SLC38A9: variants seen among roughly 807,000 people sequenced by gnomAD.
The protein encoded by SLC38A9 is solute carrier family 38 member 9, also known as neutral amino acid transporter 9.
Under a neutral mutation model 62.3 loss-of-function variants are expected in SLC38A9, and 48 were observed. That is an observed-to-expected ratio of 0.77 (90% CI 0.61 to 0.98). The LOEUF (loss-of-function observed/expected upper bound fraction) is 0.98. SLC38A9 is among the 50% of genes least tolerant of loss of function. The pLI, the probability that SLC38A9 is intolerant of heterozygous loss-of-function variation, is 0.00. For missense variants in SLC38A9, 541 were observed against 679.8 expected (o/e 0.80, Z 2.27); for synonymous variants, 204 against 227.7 (o/e 0.90, Z 0.94).
At chr5:55,706,097 T>A (rs11956516) in intron 2 of SLC38A9, among the ~76,000 whole-genome samples, 96,150 of 151,958 alleles carry the variant, frequency 0.63, 30,869 homozygotes, top group South Asian at 0.73. Flanking sequence ...ACCATGAATC[T>A]GTTTTTCTTG....
rs1464152301 is a variant in SLC38A9, at chr5:55,670,159, G to A, written c.247-280C>T. Among the ~76,000 whole-genome samples the A allele has an allele frequency of 5.3e-5, 8 of 149,628 alleles. No individual in the cohort carries two copies. The Admixed American group carries it at 5.4e-4, about 10-fold the overall frequency. On this transcript the variant is annotated intron_variant, in intron 4 of 15. Transcript: ENST00000396865. ...TTTTGTATTTTTTTGTAGAGACGGG[G>A]TTTCACCATGTTAGCCAGGATGGTC... is the stretch of plus-strand genomic sequence containing the variant.
chr5:55,708,202 T>G (rs1580458969), intron 2 of SLC38A9, among the ~76,000 whole-genome samples: 1 of 152,138 alleles, frequency 6.6e-6, no homozygotes, highest in East Asian at 1.9e-4. Context: ...TGGTGGCTCA[T>G]GCCTGTAATC....
intron 8 of SLC38A9, among the ~76,000 whole-genome samples, chr5:55,659,118 T>C (rs1748993857): frequency 6.6e-6 from 1 of 152,148 alleles, no homozygotes; most frequent in Non-Finnish European, 1.5e-5. Flanking sequence ...GGCGGGAATG[T>C]CTTTAAATTA....
intron 8 of SLC38A9, among the ~76,000 whole-genome samples, chr5:55,660,015 C>T (rs185670594): frequency 0.015 from 2,329 of 151,836 alleles, 103 homozygotes; most frequent in Admixed American, 0.089. Flanking sequence ...ATCTGCCCGC[C>T]TTGGCCTCCC....
intron 3 of SLC38A9, 88 bp downstream of exon 3, chr5:55,697,758 T>A (rs1756111398): frequency 1.0e-5 from 6 of 595,812 alleles, no homozygotes; most frequent in Non-Finnish European, 1.7e-5. Flanking sequence ...TATTTTATAA[T>A]CAAATCTATA....
intron 3 of SLC38A9, chr5:55,675,219 T>C (rs1236748109): frequency 2.0e-5 from 3 of 152,246 alleles, no homozygotes; most frequent in Non-Finnish European, 4.4e-5. Context: ...TCTTGGCTCC[T>C]GGTTTCTTAC....
intron 14 of SLC38A9, among the ~76,000 whole-genome samples, chr5:55,631,336 C>A (rs1216123864): frequency 1.3e-5 from 2 of 151,834 alleles, no homozygotes; most frequent in African/African-American, 4.8e-5. Context: ...ACAATGTGTT[C>A]TTGGTGGTAG....
chr5:55,661,742 A>G (rs1749617812), intron 8 of SLC38A9, among the ~76,000 whole-genome samples: 1 of 152,222 alleles, frequency 6.6e-6, no homozygotes, highest in Non-Finnish European at 1.5e-5. Flanking sequence ...GCTACCATAT[A>G]AAAAGAGAAG....
intron 3 of SLC38A9, among the ~76,000 whole-genome samples, chr5:55,684,174 A>C (rs1336040008): frequency 6.6e-6 from 1 of 152,186 alleles, no homozygotes; most frequent in African/African-American, 2.4e-5. Context: ...GAACATGTTA[A>C]AGACAGTTCT....
rs377173018 is a variant in SLC38A9 at position 55,664,775 on chromosome 5, G to A, written c.615C>T (p.Ser205=). 3.8e-6 allele frequency: 6 copies of A among 1,598,158 alleles called. No homozygotes were observed. The highest frequency in any genetic ancestry group is 5.1e-6 in the Non-Finnish European group (6 of 1,173,868). The part of the protein sequence containing the change: ...SFGQWSSLLF[S]LVSLIGAMIV... ...TCATTGCTCCAATGAGAGACACCAA[G>A]GAGAAAAGGAGACTCGACCACTGCC... The change falls in exon 8 of 16, where the codon TCC becomes TCT. Residue 205 remains serine, a synonymous_variant. Transcript: ENST00000396865.
intron 3 of SLC38A9, chr5:55,672,914 CT>C (rs3042057): frequency 0.62 from 250,014 of 402,152 alleles, 79,593 homozygotes; most frequent in South Asian, 0.69. Context: ...TTTAAGCACA[CT>C]TTTTTTGTAA....
At chr5:55,682,191 T>A (rs1580333348) in intron 3 of SLC38A9, among the ~76,000 whole-genome samples, 1 of 152,234 alleles carries the variant, frequency 6.6e-6, no homozygotes, top group African/African-American at 2.4e-5. Flanking sequence ...TAACCAGATG[T>A]CCCTAGGTGT....
chr5:55,683,830 T>C (rs1381411551), intron 3 of SLC38A9, among the ~76,000 whole-genome samples: 1 of 152,234 alleles, frequency 6.6e-6, no homozygotes, highest in South Asian at 2.1e-4. Context: ...GGAGCTCTTA[T>C]AAATCAATTC....
intron 10 of SLC38A9, among the ~76,000 whole-genome samples, chr5:55,651,997 A>G (rs1432321596): frequency 1.3e-5 from 2 of 150,144 alleles, no homozygotes; most frequent in Non-Finnish European, 3.0e-5. Context: ...AAAACCAAAA[A>G]TGGTCATCTA....
rs949118384 is a variant in SLC38A9, at chr5:55,642,344, C to G, written c.1167+3445G>C. ...ACAGGCGTGAGCCACCGTGCCCAGC[C>G]TGAGACTGTTTTCTAGTAATACAAA... On this transcript the variant is annotated intron_variant, in intron 12 of 15. Transcript: ENST00000396865. Among the ~76,000 whole-genome samples, 9 of 152,214 alleles carry G rather than the reference C, an allele frequency of 5.9e-5. No individual in the cohort carries two copies. In the East Asian group the frequency reaches 1.5e-3, roughly 26 times the overall value.
At chr5:55,660,540 T>C (rs1297550159) in intron 8 of SLC38A9, among the ~76,000 whole-genome samples, 2 of 152,234 alleles carry the variant, frequency 1.3e-5, no homozygotes, top group Non-Finnish European at 2.9e-5. Context: ...AGGAGGTGTA[T>C]AGATGTATGT....
At chr5:55,690,342 A>G (rs1261396214) in intron 3 of SLC38A9, among the ~76,000 whole-genome samples, 1 of 152,008 alleles carries the variant, frequency 6.6e-6, no homozygotes, top group East Asian at 1.9e-4. Context: ...TTTGCTAAAC[A>G]CTCTTCAAGT....
At chr5:55,635,025 T>C (rs910146999) in intron 13 of SLC38A9, 2 of 152,328 alleles carry the variant, frequency 1.3e-5, no homozygotes, top group Non-Finnish European at 2.9e-5. Context: ...CTCTCTCTCT[T>C]TTTTTAACAG....
intron 12 of SLC38A9, among the ~76,000 whole-genome samples, chr5:55,639,817 G>A (rs1745116718): frequency 6.6e-6 from 1 of 151,968 alleles, no homozygotes; most frequent in Non-Finnish European, 1.5e-5. Context: ...TGTTTAGAAT[G>A]TTGCTGGCAC....
Sources: gnomAD v4.1 joint callset for allele counts (sites outside exome capture counted in the v4.1 genomes callset) on GRCh38, gnomAD v4.1.1 for gene constraint, MANE v1.5 for transcripts, NCBI Gene and HGNC (gene_info 2026-07-23, HGNC 2026-07-21) for gene names.